The following DENND5B variants were observed in gnomAD, a reference collection of about 807,000 sequenced individuals.
DENND5B encodes DENN domain containing 5B.
DENND5B carries 34 observed loss-of-function variants against 140.6 expected under a neutral mutation model. The observed-to-expected ratio is 0.24, with a 90% CI of 0.18 to 0.32. DENND5B has a LOEUF of 0.32. Among genes scored for constraint, DENND5B ranks in the 10% least tolerant of loss-of-function variants. The pLI, the probability that DENND5B is intolerant of heterozygous loss-of-function variation, is 1.00. For synonymous variants in DENND5B, 551 were observed against 562.1 expected (o/e 0.98, Z 0.28); for missense variants, 1,142 against 1,560.2 (o/e 0.73, Z 4.52).
At chr12:31,392,933 A>G (rs142690129) in intron 17 of DENND5B, among the ~76,000 whole-genome samples, 154 of 152,364 alleles carry the variant, frequency 1.0e-3, no homozygotes, top group African/African-American at 3.5e-3. Context: ...TCTGCAATCT[A>G]TAACCCTAGC....
chr12:31,498,972 CA>C (rs369875785), intron 1 of DENND5B, among the ~76,000 whole-genome samples: 50 of 100,466 alleles, frequency 5.0e-4, no homozygotes, highest in Admixed American at 9.2e-4. Context: ...GGCTCCGTCT[CA>C]AAAAAAAAAA....
At position 31,398,329 on chromosome 12, in the gene DENND5B, A is replaced by T. The variant is rs759848443; in HGVS notation, c.3102T>A (p.Ile1034=). The change falls in exon 17 of 21, where the codon ATT becomes ATA. Residue 1034 remains isoleucine, a synonymous_variant. Transcript: ENST00000389082. ...FPCGRWLGKG[I]DDGSLERILI... is the part of the protein sequence containing the mutation. ...GAATTCTCTCCAGGCTCCCATCATC[A>T]ATGCCTTTCCCCAGCCACCGCCCAC... is the stretch of plus-strand genomic sequence containing the variant. 4.1e-5 allele frequency: 63 copies of T among 1,551,674 alleles called. No homozygotes were observed. Among genetic ancestry groups the T allele is most frequent in the Non-Finnish European group, 7.8e-6 (9 of 1,147,342 alleles).
intron 3 of DENND5B, chr12:31,477,535 AG>A (rs1163681058): frequency 6.5e-6 from 1 of 152,898 alleles, no homozygotes; most frequent in Non-Finnish European, 1.5e-5. Flanking sequence ...CAGTAGCTCA[AG>A]AGGCAAAATG....
chr12:31,457,779 T>C (rs564187556), intron 4 of DENND5B, among the ~76,000 whole-genome samples: 98 of 151,970 alleles, frequency 6.4e-4, no homozygotes, highest in African/African-American at 2.3e-3. Context: ...AGTGATGCGA[T>C]CTTGGCTCAC....
chr12:31,437,808 A>G (rs1943845948), intron 7 of DENND5B, among the ~76,000 whole-genome samples: 1 of 152,200 alleles, frequency 6.6e-6, no homozygotes, highest in Non-Finnish European at 1.5e-5. Flanking sequence ...ACAGTAATAA[A>G]AAAGGTATAA....
intron 1 of DENND5B, among the ~76,000 whole-genome samples, chr12:31,555,809 C>CT (rs1292840180): frequency 6.6e-6 from 1 of 152,184 alleles, no homozygotes; most frequent in Non-Finnish European, 1.5e-5. Flanking sequence ...TCTCGGACTG[C>CT]TATGCTAGCA....
rs1943594098 is a variant in DENND5B, at chr12:31,433,229, C to T, written c.2032G>A (p.Ala678Thr). 3.7e-6 allele frequency: 6 copies of T among 1,610,818 alleles called. No individual in the cohort carries two copies. Among genetic ancestry groups the T allele is most frequent in the South Asian group, 1.1e-5 (1 of 90,184 alleles). The change falls in exon 8 of 21, where the codon GCC becomes ACC. Residue 678 changes from alanine to threonine, a missense_variant. This residue lies in a region of DENND5B where 708 missense variants were observed against 905.5 expected (regional missense o/e 0.78). Coordinates refer to ENST00000389082, the MANE Select transcript of DENND5B (RefSeq NM_144973.4). ...CGTTCTTTCCTGCGCTGTGCAGTGGCACTCCGACTTACCCAGCGACTGAAA... is the reference window on the plus strand; with the variant it reads ...CGTTCTTTCCTGCGCTGTGCAGTGGTACTCCGACTTACCCAGCGACTGAAA... The part of the protein sequence containing the change: ...TSNNRWVSRS[A>T]TAQRRKERLR...
At chr12:31,431,337 T>C (rs58262520) in intron 8 of DENND5B, among the ~76,000 whole-genome samples, 1,856 of 152,250 alleles carry the variant, frequency 0.012, 41 homozygotes, top group African/African-American at 0.042. Flanking sequence ...TATGACATAA[T>C]GGGGGAAAAC....
At chr12:31,579,803 G>C (rs1217394767) in intron 1 of DENND5B, among the ~76,000 whole-genome samples, 1 of 147,678 alleles carries the variant, frequency 6.8e-6, no homozygotes, top group East Asian at 2.0e-4. Context: ...GGAGGGAGGA[G>C]AGAAGAGAGA....
At chr12:31,529,073 G>T (rs1948188551) in intron 1 of DENND5B, among the ~76,000 whole-genome samples, 1 of 149,980 alleles carries the variant, frequency 6.7e-6, no homozygotes, top group Admixed American at 6.7e-5. Flanking sequence ...AAGGTAGGGT[G>T]AATTGCTTGA....
chr12:31,560,603 T>C (rs1949440431), intron 1 of DENND5B, among the ~76,000 whole-genome samples: 1 of 152,162 alleles, frequency 6.6e-6, no homozygotes, highest in Non-Finnish European at 1.5e-5. Flanking sequence ...TAAAACTAAG[T>C]CAGAGGTCTC....
intron 3 of DENND5B, 35 bp downstream of exon 3, chr12:31,479,554 G>GT: frequency 1.4e-6 from 2 of 1,451,060 alleles, no homozygotes; most frequent in Non-Finnish European, 1.8e-6. Flanking sequence ...AAAAGTACTT[G>GT]TTTTTGGAAA....
chr12:31,434,688 G>A (rs1452170247), intron 7 of DENND5B, among the ~76,000 whole-genome samples: 8 of 152,122 alleles, frequency 5.3e-5, no homozygotes, highest in Non-Finnish European at 1.2e-4. Context: ...GAAGAATTTG[G>A]AACCTGGCTC....
intron 1 of DENND5B, among the ~76,000 whole-genome samples, chr12:31,549,638 C>T (rs1016491275): frequency 6.6e-6 from 1 of 151,810 alleles, no homozygotes; most frequent in East Asian, 1.9e-4. Context: ...ACCTATCAAC[C>T]CATCACCTAG....
chr12:31,423,510 GA>G, intron 11 of DENND5B, 86 bp downstream of exon 11: 1 of 1,348,052 alleles, frequency 7.4e-7, no homozygotes, highest in Non-Finnish European at 1.0e-6. Flanking sequence ...ATTTTAGCTT[GA>G]GAGAGAAAGA....
chr12:31,408,671 T>C (rs1402525567), intron 14 of DENND5B, among the ~76,000 whole-genome samples: 1 of 151,284 alleles, frequency 6.6e-6, no homozygotes, highest in Non-Finnish European at 1.5e-5. Flanking sequence ...CAGCATTTCC[T>C]TCCAAAGTTG....
Position 31,405,702 on chromosome 12 carries a change from C to T in DENND5B, c.2804-3059G>A, listed in dbSNP as rs893453092. 5.6e-4 allele frequency among the ~76,000 whole-genome samples: 85 copies of T among 151,642 alleles called. 1 individual carries two copies. Among genetic ancestry groups the T allele is most frequent in the African/African-American group, 2.0e-3 (82 of 41,240 alleles). ...AGTTGGGATTACGGGGGCTTGCCAC[C>T]GTGCCCAGCTAATTTTTGTACTTTT... On this transcript the variant is annotated intron_variant, in intron 14 of 20. Transcript: ENST00000389082.
intron 1 of DENND5B, among the ~76,000 whole-genome samples, chr12:31,533,524 TTATC>T (rs1467381887): frequency 6.6e-6 from 1 of 152,234 alleles, no homozygotes; most frequent in African/African-American, 2.4e-5. Flanking sequence ...TCCTTTTCCC[TTATC>T]ACTTTGCTTT....
chr12:31,422,146 A>G (rs73080503), intron 11 of DENND5B, among the ~76,000 whole-genome samples: 21,206 of 151,858 alleles, frequency 0.14, 1,780 homozygotes, highest in Non-Finnish European at 0.19. Flanking sequence ...AAGGTCAGGC[A>G]CGGTGGCTCA....
Sources: allele counts gnomAD v4.1 joint callset (sites outside exome capture counted in the v4.1 genomes callset), GRCh38; gene constraint gnomAD v4.1.1; regional missense constraint gnomAD v4.1.1; transcripts MANE v1.5; gene names NCBI Gene and HGNC (gene_info 2026-07-23, HGNC 2026-07-21).